SPATA16: variants seen among roughly 807,000 people sequenced by gnomAD.
The protein encoded by SPATA16 is spermatogenesis associated 16, also known as spermatogenesis-associated protein 16.
SPATA16 carries 36 observed loss-of-function variants against 63.3 expected under a neutral mutation model. That is an observed-to-expected ratio of 0.57 (90% CI 0.44 to 0.75). The LOEUF is 0.75. Among genes scored for constraint, SPATA16 ranks in the 30% least tolerant of loss-of-function variants. SPATA16 has a pLI of 0.00. For missense variants in SPATA16, 646 were observed against 679.3 expected (o/e 0.95, Z 0.54); for synonymous variants, 203 against 216.7 (o/e 0.94, Z 0.56).
chr3:173,035,029 A>G (rs148216901), intron 3 of SPATA16, among the ~76,000 whole-genome samples: 224 of 152,242 alleles, frequency 1.5e-3, no homozygotes, highest in African/African-American at 5.2e-3. Flanking sequence ...ACAGCACATT[A>G]CTTTGGAAAG....
chr3:173,026,172 T>C (rs569813245), intron 3 of SPATA16, among the ~76,000 whole-genome samples: 3 of 152,050 alleles, frequency 2.0e-5, no homozygotes, highest in Non-Finnish European at 4.4e-5. Flanking sequence ...TTAGTTTGCA[T>C]TTCCCTAGTA....
intron 2 of SPATA16, among the ~76,000 whole-genome samples, chr3:173,083,056 A>G (rs978817241): frequency 2.6e-5 from 4 of 152,124 alleles, no homozygotes; most frequent in African/African-American, 4.8e-5. Context: ...TACATATGCA[A>G]CATTTATAAA....
At chr3:172,977,098 G>A in intron 4 of SPATA16, 46 bp from the exon 5 acceptor site, 18 of 1,489,734 alleles carry the variant, frequency 1.2e-5, no homozygotes, top group Non-Finnish European at 1.6e-5. Flanking sequence ...CAAATGTATA[G>A]GACAGAAGGA....
intron 3 of SPATA16, among the ~76,000 whole-genome samples, chr3:173,037,359 G>A (rs893663437): frequency 6.6e-6 from 1 of 151,992 alleles, no homozygotes; most frequent in Non-Finnish European, 1.5e-5. Context: ...ATTCCACAAG[G>A]AAAGCTTATA....
chr3:173,127,861 C>T (rs1738268479), intron 1 of SPATA16, among the ~76,000 whole-genome samples: 1 of 152,228 alleles, frequency 6.6e-6, no homozygotes, highest in South Asian at 2.1e-4. Flanking sequence ...TTTCCTGCTT[C>T]CTCATCAAAC....
chr3:173,140,403 A>C (rs1242024076), intron 1 of SPATA16, among the ~76,000 whole-genome samples: 1 of 152,224 alleles, frequency 6.6e-6, no homozygotes, highest in Non-Finnish European at 1.5e-5. Context: ...CCTATTTTTA[A>C]TTGCTCACGC....
At chr3:172,934,078 T>G (rs1211277477) in intron 6 of SPATA16, among the ~76,000 whole-genome samples, 1 of 152,110 alleles carries the variant, frequency 6.6e-6, no homozygotes, top group Non-Finnish European at 1.5e-5. Flanking sequence ...ATAAGTATAA[T>G]AAAAATAATA....
chr3:173,085,558 T>C (rs1211512235), intron 2 of SPATA16, among the ~76,000 whole-genome samples: 1 of 152,098 alleles, frequency 6.6e-6, no homozygotes, highest in Non-Finnish European at 1.5e-5. Flanking sequence ...CCTTGTTGAA[T>C]AGGAGTATTG....
At chr3:173,137,731 C>G (rs528265823) in intron 1 of SPATA16, among the ~76,000 whole-genome samples, 64 of 151,494 alleles carry the variant, frequency 4.2e-4, no homozygotes, top group Non-Finnish European at 5.4e-4. Context: ...TTTAATTAAG[C>G]CTTGGCCCCA....
intron 2 of SPATA16, among the ~76,000 whole-genome samples, chr3:173,104,654 C>G (rs1201359852): frequency 1.3e-5 from 2 of 152,154 alleles, no homozygotes; most frequent in African/African-American, 4.8e-5. Flanking sequence ...CCAAACACCT[C>G]CCACCAGTTC....
At chr3:173,059,978 T>A (rs556102627) in intron 2 of SPATA16, among the ~76,000 whole-genome samples, 1 of 151,860 alleles carries the variant, frequency 6.6e-6, no homozygotes, top group East Asian at 1.9e-4. Context: ...CAGAGCTGGC[T>A]GGGCACAGTG....
Position 173,120,074 on chromosome 3 carries a change from C to T in SPATA16, c.-18-2325G>A, listed in dbSNP as rs1355979826. On this transcript the variant is annotated intron_variant, in intron 1 of 10. Coordinates refer to ENST00000351008, the MANE Select transcript of SPATA16 (RefSeq NM_031955.6). ...TGCACTCCAGCCTAGGCAACAAGAGCGAAACTCCATCTCAAAAAAAAAAAA... is the reference window on the plus strand; with the variant it reads ...TGCACTCCAGCCTAGGCAACAAGAGTGAAACTCCATCTCAAAAAAAAAAAA... 2.3e-4 allele frequency among the ~76,000 whole-genome samples: 34 copies of T among 144,994 alleles called. 1 individual carries two copies. The highest frequency in any genetic ancestry group is 4.2e-4 in the Admixed American group (6 of 14,436).
intron 6 of SPATA16, among the ~76,000 whole-genome samples, chr3:172,928,215 GCTT>G (rs372436215): frequency 1.2e-4 from 18 of 152,268 alleles, no homozygotes; most frequent in African/African-American, 4.3e-4. Context: ...AGCCTTAGAT[GCTT>G]CTTTAGTTGG....
At chr3:173,090,141 T>C (rs1737185609) in intron 2 of SPATA16, among the ~76,000 whole-genome samples, 2 of 152,126 alleles carry the variant, frequency 1.3e-5, no homozygotes, top group Non-Finnish European at 2.9e-5. Context: ...TGGTGAGAGC[T>C]GATTGGATCA....
intron 6 of SPATA16, among the ~76,000 whole-genome samples, chr3:172,936,991 A>G (rs75349003): frequency 0.037 from 5,688 of 152,192 alleles, 148 homozygotes; most frequent in South Asian, 0.11. Context: ...GATTATTATA[A>G]CTGGTATCTA....
At chr3:173,043,149 A>G (rs1735884497) in intron 3 of SPATA16, among the ~76,000 whole-genome samples, 1 of 152,040 alleles carries the variant, frequency 6.6e-6, no homozygotes, top group African/African-American at 2.4e-5. Flanking sequence ...CAATGTACAT[A>G]TGTTTGATGT....
intron 2 of SPATA16, among the ~76,000 whole-genome samples, chr3:173,113,042 C>T (rs930794159): frequency 2.0e-5 from 3 of 152,216 alleles, no homozygotes; most frequent in African/African-American, 7.2e-5. Flanking sequence ...ACTGCATCTT[C>T]TGTCCTTTAT....
chr3:173,067,142 A>C (rs1283359254), intron 2 of SPATA16, among the ~76,000 whole-genome samples: 1 of 152,110 alleles, frequency 6.6e-6, no homozygotes, highest in Non-Finnish European at 1.5e-5. Context: ...AAGAATAAAA[A>C]TGAATGAAGC....
At chr3:173,036,962 G>T (rs1463094331) in intron 3 of SPATA16, among the ~76,000 whole-genome samples, 2 of 151,930 alleles carry the variant, frequency 1.3e-5, no homozygotes, top group African/African-American at 2.4e-5. Context: ...TTTCTATATG[G>T]CAGATATTTA....
Sources: allele counts gnomAD v4.1 joint callset (sites outside exome capture counted in the v4.1 genomes callset), GRCh38; gene constraint gnomAD v4.1.1; transcripts MANE v1.5; gene names NCBI Gene and HGNC (gene_info 2026-07-23, HGNC 2026-07-21).